The following KRT74 variants were observed in gnomAD, a reference collection of about 807,000 sequenced individuals.
The protein encoded by KRT74 is keratin 74, also known as keratin, type II cytoskeletal 74.
Under a neutral mutation model 42.7 loss-of-function variants are expected in KRT74, and 43 were observed. That is an observed-to-expected ratio of 1.01 (90% CI 0.79 to 1.30). KRT74 has a LOEUF of 1.30. Among genes scored for constraint, KRT74 ranks in the 50% most tolerant of loss-of-function variants. The pLI is 0.00. For synonymous variants in KRT74, 302 were observed against 279.0 expected (o/e 1.08, Z -0.82); for missense variants, 736 against 689.1 (o/e 1.07, Z -0.76).
chr12:52,571,833 C>T, intron 3 of KRT74, 111 bp downstream of exon 3: 1 of 821,972 alleles, frequency 1.2e-6, no homozygotes, highest in Non-Finnish European at 2.2e-6. Flanking sequence ...AGGCACCAGC[C>T]CCCTCACCAG....
In KRT74 at chr12:52,572,664, G is replaced by A. The variant is rs775208348; in HGVS notation, c.475C>T (p.Arg159Cys). 5.2e-5 allele frequency: 84 copies of A among 1,613,960 alleles called. 2 individuals are homozygous for A. In the Admixed American group the frequency reaches 9.7e-4, roughly 19 times the overall value. The change falls in exon 2 of 9, where the codon CGC becomes TGC. Residue 159 changes from arginine to cysteine, a missense_variant. Arg to Cys is a radical substitution (Grantham distance 180). Transcript: ENST00000305620. Reference sequence around the variant, plus strand: ...ACCTGGTTCTGCTGCTCTAGGAAGCGTACCTGGAACCCAAATCAACAGACA... The same window carrying A: ...ACCTGGTTCTGCTGCTCTAGGAAGCATACCTGGAACCCAAATCAACAGACA... ...DKFASFIDKV[R>C]FLEQQNQVLE...
rs766451338 is a variant in KRT74, at chr12:52,566,997, C to T, written c.1562G>A (p.Ser521Asn). ...KDTQGKSTPA[S>N]IPARKATR ...GCGGGTGGCTTTCCTTGCTGGGATG[C>T]TGGCTGGGGTGCTCTTGCCCTGGGT... is the stretch of plus-strand genomic sequence containing the variant. Residue 521 changes from serine to asparagine, a missense_variant, in exon 9 of 9, where the codon AGC becomes AAC. Ser to Asn is a conservative substitution (Grantham distance 46). Transcript: ENST00000305620. 6.2e-7 allele frequency: 1 copy of T among 1,608,954 alleles called. No individual in the cohort carries two copies. Among genetic ancestry groups the T allele is most frequent in the Non-Finnish European group, 8.5e-7 (1 of 1,176,682 alleles).
chr12:52,571,996 A>T lies in KRT74; in HGVS notation c.695T>A (p.Val232Glu). 1 of 1,597,142 alleles carries T rather than the reference A, an allele frequency of 6.3e-7. No homozygotes were observed. Among genetic ancestry groups the T allele is most frequent in the Non-Finnish European group, 8.6e-7 (1 of 1,164,954 alleles). The change falls in exon 3 of 9, where the codon GTG (valine) becomes GAG (glutamate). Residue 232 changes from valine (V) to glutamate (E), a missense_variant. Val to Glu is a moderately radical substitution (Grantham distance 121). Transcript: ENST00000305620. ...TGCTGTCGTGCGCCGGTTAATCTCC[A>T]CTTCATATCTGCCAGCAGGGAGAGT... ...LVEDYKKRYE[V>E]EINRRTTAEN...
At position 52,573,812 on chromosome 12, in the gene KRT74, A is replaced by C. The variant is rs200267969; in HGVS notation, c.-35T>G. 12 of 1,545,958 alleles carry C rather than the reference A, an allele frequency of 7.8e-6. No individual in the cohort carries two copies. The East Asian group carries it at 2.5e-4, about 32-fold the overall frequency. On this transcript the variant is annotated 5_prime_UTR_variant, in exon 1 of 9. Transcript: ENST00000305620. ...GGTTGAGTTGACAGAGCTGGAGAAA[A>C]GCAGTCTCCAAGGGGTAGAGAACAC...
At chr12:52,570,039 C>G in intron 5 of KRT74, 55 bp from the exon 6 acceptor site, 1 of 1,606,920 alleles carries the variant, frequency 6.2e-7, no homozygotes, top group African/African-American at 1.3e-5. Flanking sequence ...GGGGAAGGGT[C>G]CTGTAAATAA....
rs1184157338 is a variant in KRT74 at position 52,573,499 on chromosome 12, C to T, written c.279G>A (p.Met93Ile). 2 of 1,614,184 alleles carry T rather than the reference C, an allele frequency of 1.2e-6. No individual in the cohort carries two copies. The highest frequency in any genetic ancestry group is 1.7e-5 in the Admixed American group (1 of 60,032). ...GGRASGFAGS[M>I]FGSVALGPAC... ...CAGGCCCCAGGGCCACACTGCCAAA[C>T]ATACTGCCAGCAAAGCCACTGGCCC... is the stretch of plus-strand genomic sequence containing the variant. The change falls in exon 1 of 9, where the codon ATG becomes ATA. Residue 93 changes from methionine to isoleucine, a missense_variant. Coordinates refer to ENST00000305620, the MANE Select transcript of KRT74 (RefSeq NM_175053.4).
At chr12:52,572,287 G>A (rs1939498428) in intron 2 of KRT74, among the ~76,000 whole-genome samples, 166 bp downstream of exon 2, 1 of 152,200 alleles carries the variant, frequency 6.6e-6, no homozygotes, top group Non-Finnish European at 1.5e-5. Context: ...TAGGCAGGAA[G>A]TTATCATCAA....
chr12:52,569,901 G>A lies in KRT74; in HGVS notation c.1092C>T (p.Leu364=), dbSNP rs759892960. Residue 364 remains leucine (L), a synonymous_variant, in exon 6 of 9, where the codon CTC becomes CTT. Transcript: ENST00000305620. ...TRSEMVELNR[L]IQRIRCEIGN... Reference sequence around the variant, plus strand: ...CGATCTCACACCGGATCCTCTGGATGAGCCGGTTCAGCTCCACCATCTCGC... The same window carrying A: ...CGATCTCACACCGGATCCTCTGGATAAGCCGGTTCAGCTCCACCATCTCGC... 3.7e-6 allele frequency: 6 copies of A among 1,614,200 alleles called. No homozygotes were observed. Among genetic ancestry groups the A allele is most frequent in the Non-Finnish European group, 5.1e-6 (6 of 1,180,034 alleles).
At chr12:52,571,897 G>A (rs1055212291) in intron 3 of KRT74, 47 bp downstream of exon 3, 4 of 1,260,070 alleles carry the variant, frequency 3.2e-6, no homozygotes, top group Admixed American at 1.7e-5. Flanking sequence ...GAGTTGTTAA[G>A]ATGGGGGTGC....
chr12:52,568,201 G>T lies in KRT74; in HGVS notation c.1323C>A (p.Thr441=), dbSNP rs779067257. ...LKLALDMEIA[T]YRKLLEGEEC... ...CCTCGCCCTCCAGCAGCTTGCGGTA[G>T]GTGGCAATCTCCATGTCCAGGGCCA... The change falls in exon 7 of 9, where the codon ACC becomes ACA. Residue 441 remains threonine (T), a synonymous_variant. Transcript: ENST00000305620. The T allele has an allele frequency of 2.5e-6, 4 of 1,614,206 alleles. No homozygotes were observed. The South Asian group carries it at 4.4e-5, about 18-fold the overall frequency.
In KRT74 at chr12:52,566,970, T is replaced by C. The variant is rs752690954; in HGVS notation, c.1589A>G (p.Ter530TrpextTer14). 3.1e-6 allele frequency: 5 copies of C among 1,609,594 alleles called. No homozygotes were observed. Among genetic ancestry groups the C allele is most frequent in the Non-Finnish European group, 4.2e-6 (5 of 1,177,404 alleles). The part of the protein sequence containing the change: ...ASIPARKATR[*>W] ...GCTGAGGTGGGTGAGGCCATGGGTC[T>C]AGCGGGTGGCTTTCCTTGCTGGGAT... The change falls in exon 9 of 9, where the codon TAG becomes TGG. Residue 530 changes from the stop codon to tryptophan (W), a stop_lost. Transcript: ENST00000305620.
At chr12:52,569,396 C>A (rs1939435145) in intron 6 of KRT74, 1 of 491,518 alleles carries the variant, frequency 2.0e-6, no homozygotes, top group African/African-American at 2.0e-5. Flanking sequence ...CTGGTGTGGC[C>A]AACAGAGGCG....
intron 6 of KRT74, chr12:52,569,557 A>T (rs1939438482): frequency 1.7e-6 from 1 of 598,242 alleles, no homozygotes; most frequent in Admixed American, 3.0e-5. Context: ...CTGGGTTCTA[A>T]TCCTAGCTCC....
At chr12:52,568,795 C>T (rs1335161834) in intron 6 of KRT74, among the ~76,000 whole-genome samples, 3 of 152,220 alleles carry the variant, frequency 2.0e-5, no homozygotes, top group South Asian at 2.1e-4. Context: ...CAGGACCTCT[C>T]CCCATTGGGG....
rs144976556 is a variant in KRT74 at position 52,570,831 on chromosome 12, C to T, written c.846G>A (p.Glu282=). The T allele has an allele frequency of 1.9e-6, 3 of 1,614,266 alleles. No homozygotes were observed. Among genetic ancestry groups the T allele is most frequent in the Non-Finnish European group, 2.5e-6 (3 of 1,180,048 alleles). Residue 282 remains glutamate, a splice_region_variant and synonymous_variant, in exon 5 of 9, where the codon GAG becomes GAA. Coordinates refer to ENST00000305620, the MANE Select transcript of KRT74 (RefSeq NM_175053.4). Reference sequence around the variant, plus strand: ...TGGCGTGAGTCTGGATCTGAGCGATCTCCTGCATTGAGAGAGGAAGACAGA... The same window carrying T: ...TGGCGTGAGTCTGGATCTGAGCGATTTCCTGCATTGAGAGAGGAAGACAGA... The part of the protein sequence containing the change: ...IKFLKCLYDA[E]IAQIQTHASE...
At chr12:52,568,414 CA>C in intron 6 of KRT74, 25 bp from the exon 7 acceptor site, 2 of 1,611,536 alleles carry the variant, frequency 1.2e-6, no homozygotes, top group Non-Finnish European at 1.7e-6. Flanking sequence ...ACAGAGAGAC[CA>C]TCAGAACAGA....
chr12:52,566,895 G>A lies in KRT74; in HGVS notation c.*74C>T. ...TTTAAAACTCAGGGCCTGGGAACTT[G>A]GGTGTGGCAGACACCTTTGGGGGTG... On this transcript the variant is annotated 3_prime_UTR_variant, in exon 9 of 9. Coordinates refer to ENST00000305620, the MANE Select transcript of KRT74 (RefSeq NM_175053.4). 11 of 1,290,848 alleles carry A rather than the reference G, an allele frequency of 8.5e-6. No individual in the cohort carries two copies. Among genetic ancestry groups the A allele is most frequent in the Non-Finnish European group, 1.2e-5 (11 of 915,552 alleles). The allele number at this position is 1,290,848 out of a possible 1,614,324, so 80.0% of individuals were successfully genotyped here.
In KRT74 at chr12:52,573,288, C is replaced by G. The variant is rs911141363; in HGVS notation, c.471+19G>C. ...TCAGGCCTCAGGGTGCGGCCTCATCCTCCTCCTATGAGACCCACCTTGTCA... is the reference window on the plus strand; with the variant it reads ...TCAGGCCTCAGGGTGCGGCCTCATCGTCCTCCTATGAGACCCACCTTGTCA... On this transcript the variant is annotated intron_variant, in intron 1 of 8. Coordinates refer to ENST00000305620, the MANE Select transcript of KRT74 (RefSeq NM_175053.4). The G allele has an allele frequency of 6.2e-7, 1 of 1,610,140 alleles. No homozygotes were observed. The highest frequency in any genetic ancestry group is 8.5e-7 in the Non-Finnish European group (1 of 1,176,364).
intron 6 of KRT74, among the ~76,000 whole-genome samples, chr12:52,568,860 G>A (rs1939424745): frequency 6.6e-6 from 1 of 152,194 alleles, no homozygotes; most frequent in African/African-American, 2.4e-5. Context: ...AGCACTCTGG[G>A]GAGAGTCTGT....
Sources: allele counts gnomAD v4.1 joint callset (sites outside exome capture counted in the v4.1 genomes callset), GRCh38; gene constraint gnomAD v4.1.1; transcripts MANE v1.5; gene names NCBI Gene and HGNC (gene_info 2026-07-23, HGNC 2026-07-21).